SLC9A9: variants seen among roughly 807,000 people sequenced by gnomAD.
SLC9A9 encodes the protein solute carrier family 9 member A9.
SLC9A9 carries 62 observed loss-of-function variants against 77.8 expected under a neutral mutation model. The observed-to-expected ratio is 0.80, with a 90% CI of 0.65 to 0.98. SLC9A9 has a LOEUF of 0.98. SLC9A9 is among the 50% of genes least tolerant of loss of function. SLC9A9 has a pLI of 0.00. For synonymous variants in SLC9A9, 320 were observed against 283.5 expected (o/e 1.13, Z -1.29); for missense variants, 775 against 774.9 (o/e 1.00, Z 0.00).
At chr3:143,582,323 G>A (rs1049241731) in intron 6 of SLC9A9, among the ~76,000 whole-genome samples, 2 of 152,210 alleles carry the variant, frequency 1.3e-5, no homozygotes, top group East Asian at 1.9e-4. Flanking sequence ...TAGAAATGTT[G>A]TGAGGATATG....
chr3:143,810,202 A>C (rs2008827615), intron 2 of SLC9A9, among the ~76,000 whole-genome samples: 1 of 152,244 alleles, frequency 6.6e-6, no homozygotes, highest in South Asian at 2.1e-4. Flanking sequence ...AGAGATAATC[A>C]ACTTGAACAC....
intron 14 of SLC9A9, among the ~76,000 whole-genome samples, chr3:143,296,873 G>C (rs771700377): frequency 6.6e-5 from 10 of 151,814 alleles, no homozygotes; most frequent in African/African-American, 2.4e-4. Flanking sequence ...TTTTAAATTG[G>C]GTGTTTTTTG....
At chr3:143,304,998 TCTG>T (rs1411977200) in intron 14 of SLC9A9, among the ~76,000 whole-genome samples, 1 of 152,174 alleles carries the variant, frequency 6.6e-6, no homozygotes, top group African/African-American at 2.4e-5. Flanking sequence ...ACTTTTATAT[TCTG>T]ATATCTGAAC....
intron 6 of SLC9A9, among the ~76,000 whole-genome samples, chr3:143,637,535 T>C (rs1463750880): frequency 1.3e-5 from 2 of 152,222 alleles, no homozygotes; most frequent in Non-Finnish European, 2.9e-5. Context: ...ATCCCTGTTT[T>C]GTAGATATAA....
At chr3:143,695,011 G>C (rs1187216265) in intron 4 of SLC9A9, among the ~76,000 whole-genome samples, 1 of 152,112 alleles carries the variant, frequency 6.6e-6, no homozygotes, top group Non-Finnish European at 1.5e-5. Context: ...AAGACTGTCA[G>C]TGGGACACAG....
intron 12 of SLC9A9, among the ~76,000 whole-genome samples, chr3:143,431,266 C>G (rs2034507823): frequency 6.6e-6 from 1 of 152,138 alleles, no homozygotes; most frequent in South Asian, 2.1e-4. Context: ...GCACACAGTG[C>G]TTTGAGCTCC....
At position 143,848,164 on chromosome 3, in the gene SLC9A9, T is replaced by A. The variant is rs1328722255; in HGVS notation, c.159A>T (p.Gly53=). Residue 53 remains glycine, a synonymous_variant, in exon 1 of 16, where the codon GGA becomes GGT. Transcript: ENST00000316549. ...TGCACTCACCATACACCATTGCTCC[T>A]CCAGTTTCATGCAAGAAGCGGAATC... is the stretch of plus-strand genomic sequence containing the variant. The part of the protein sequence containing the change: ...NHRFRFLHET[G]GAMVYGLIMG... The A allele has an allele frequency of 6.2e-7, 1 of 1,613,912 alleles. No homozygotes were observed. The highest frequency in any genetic ancestry group is 1.7e-5 in the Admixed American group (1 of 60,002).
chr3:143,663,421 G>A (rs946427722), intron 5 of SLC9A9, among the ~76,000 whole-genome samples: 29 of 152,336 alleles, frequency 1.9e-4, no homozygotes, highest in African/African-American at 6.0e-4. Context: ...CCAAAGAATC[G>A]CAGCTTCTCG....
chr3:143,737,939 C>T (rs1444803555), intron 4 of SLC9A9, among the ~76,000 whole-genome samples: 9 of 152,164 alleles, frequency 5.9e-5, no homozygotes, highest in Admixed American at 5.9e-4. Context: ...TACATGCATT[C>T]TCTCATTTAA....
At chr3:143,778,345 T>C (rs2007765009) in intron 4 of SLC9A9, among the ~76,000 whole-genome samples, 1 of 152,232 alleles carries the variant, frequency 6.6e-6, no homozygotes, top group Non-Finnish European at 1.5e-5. Context: ...TTAACACTAC[T>C]CAAAATATGC....
chr3:143,697,854 A>C (rs1253261004), intron 4 of SLC9A9, among the ~76,000 whole-genome samples: 1 of 152,204 alleles, frequency 6.6e-6, no homozygotes, highest in African/African-American at 2.4e-5. Context: ...AGTTCAGTTC[A>C]AGCTCGTATG....
In SLC9A9 at chr3:143,528,295, A is replaced by G. The variant is rs142369180; in HGVS notation, c.1089+24067T>C. ...GAGGTAAGAATTATTGTTGGAATTAAGAATTATTAGAAGAATTCAGCATTA... is the reference window on the plus strand; with the variant it reads ...GAGGTAAGAATTATTGTTGGAATTAGGAATTATTAGAAGAATTCAGCATTA... On this transcript the variant is annotated intron_variant, in intron 9 of 15. Transcript: ENST00000316549. Among the ~76,000 whole-genome samples, 79 of 152,364 alleles carry G rather than the reference A, an allele frequency of 5.2e-4. No individual in the cohort carries two copies. In the East Asian group the frequency reaches 0.014, roughly 26 times the overall value.
At chr3:143,284,751 T>A (rs941905389) in intron 14 of SLC9A9, among the ~76,000 whole-genome samples, 2 of 152,146 alleles carry the variant, frequency 1.3e-5, no homozygotes, top group Non-Finnish European at 2.9e-5. Context: ...TAAATACTTT[T>A]TCAAAAAACT....
chr3:143,276,010 C>T (rs1452064928), intron 14 of SLC9A9, among the ~76,000 whole-genome samples: 1 of 152,050 alleles, frequency 6.6e-6, no homozygotes, highest in Non-Finnish European at 1.5e-5. Context: ...CTGCTGTTTC[C>T]CTCCCCAGCT....
intron 14 of SLC9A9, among the ~76,000 whole-genome samples, chr3:143,274,476 C>G (rs934904542): frequency 1.3e-5 from 2 of 152,152 alleles, no homozygotes; most frequent in Admixed American, 1.3e-4. Flanking sequence ...TAACAATTGA[C>G]TCTCTGTTGG....
chr3:143,341,220 G>A (rs1453434349), intron 14 of SLC9A9, among the ~76,000 whole-genome samples: 1 of 152,094 alleles, frequency 6.6e-6, no homozygotes, highest in Non-Finnish European at 1.5e-5. Context: ...GTGCTGTTTT[G>A]CAGTTCCTTT....
intron 6 of SLC9A9, among the ~76,000 whole-genome samples, chr3:143,601,923 C>T (rs902908481): frequency 2.0e-5 from 3 of 151,808 alleles, no homozygotes; most frequent in African/African-American, 4.8e-5. Flanking sequence ...CCTGCAGTAC[C>T]CCTTGCTGCC....
chr3:143,375,709 AG>A (rs1321268607), intron 13 of SLC9A9, among the ~76,000 whole-genome samples: 1 of 152,226 alleles, frequency 6.6e-6, no homozygotes. Flanking sequence ...TATATGAACA[AG>A]TCCACTATAG....
rs149559701 is a variant in SLC9A9, at chr3:143,373,287, A to G, written c.1524+8773T>C. On this transcript the variant is annotated intron_variant, in intron 13 of 15. Transcript: ENST00000316549. ...TCTCAGCCATAAGAATGAATGAAATAATGTCTTTTGCAGCAACTCAGATTG... is the reference window on the plus strand; with the variant it reads ...TCTCAGCCATAAGAATGAATGAAATGATGTCTTTTGCAGCAACTCAGATTG... Among the ~76,000 whole-genome samples, 668 of 152,286 alleles carry G rather than the reference A, an allele frequency of 4.4e-3. 15 individuals are homozygous for G. Among genetic ancestry groups the G allele is most frequent in the Admixed American group, 0.038 (583 of 15,300 alleles).
Sources: gnomAD v4.1 joint callset for allele counts (sites outside exome capture counted in the v4.1 genomes callset) on GRCh38, gnomAD v4.1.1 for gene constraint, MANE v1.5 for transcripts, NCBI Gene and HGNC (gene_info 2026-07-23, HGNC 2026-07-21) for gene names.